Variants in EYA2 observed in about 807,000 individuals in gnomAD.
The protein encoded by EYA2 is EYA transcriptional coactivator and phosphatase 2, also known as protein phosphatase EYA2.
Under a neutral mutation model 69.2 loss-of-function variants are expected in EYA2, and 31 were observed. The observed-to-expected ratio is 0.45, with a 90% CI of 0.34 to 0.60. EYA2 has a LOEUF of 0.60. EYA2 is among the 20% of genes least tolerant of loss of function. The pLI is 0.02. For synonymous variants in EYA2, 257 were observed against 279.4 expected, an observed-to-expected ratio of 0.92 and a Z score of 0.80; for missense variants, 622 against 701.2, an observed-to-expected ratio of 0.89 and a Z score of 1.28.
At chr20:46,941,106 C>T (rs1326277741) in intron 1 of EYA2, among the ~76,000 whole-genome samples, 1 of 152,212 alleles carries the variant, frequency 6.6e-6, no homozygotes, top group Non-Finnish European at 1.5e-5. Flanking sequence ...GGACAGGGGA[C>T]GCTGACTAGG....
chr20:47,003,216 GTTA>G lies in EYA2; in HGVS notation c.156-1722_156-1720del, dbSNP rs575133247. ...TCTATCTGCTGTATGCTTGTGGCGTGTTATTAAGTCTCTCTCTGCCTCTGTTTT... is the reference window on the plus strand; with the variant it reads ...TCTATCTGCTGTATGCTTGTGGCGTGTTAAGTCTCTCTCTGCCTCTGTTTT... On this transcript the variant is annotated intron_variant, in intron 3 of 15. Transcript: ENST00000327619. Among the ~76,000 whole-genome samples, 136 of 152,304 alleles carry G rather than the reference GTTA, an allele frequency of 8.9e-4. 1 individual carries two copies. The highest frequency in any genetic ancestry group is 2.5e-3 in the African/African-American group (103 of 41,562).
intron 10 of EYA2, among the ~76,000 whole-genome samples, chr20:47,158,465 C>T (rs1167306850): frequency 1.3e-5 from 2 of 151,108 alleles, no homozygotes; most frequent in Admixed American, 6.6e-5. Context: ...TGCAGTGAGC[C>T]GAGATCACCC....
intron 1 of EYA2, among the ~76,000 whole-genome samples, chr20:46,940,181 G>A (rs1986093268): frequency 6.6e-6 from 1 of 152,190 alleles, no homozygotes; most frequent in Admixed American, 6.5e-5. Context: ...ATAGAGGTGG[G>A]CTTCCTACAA....
intron 4 of EYA2, among the ~76,000 whole-genome samples, chr20:47,009,916 T>G (rs1982954817): frequency 6.6e-6 from 1 of 152,234 alleles, no homozygotes; most frequent in Admixed American, 6.5e-5. Context: ...CTTTTGCAAC[T>G]TGCTTTTTCC....
rs1057038307 is a variant in EYA2, at chr20:47,000,003, G to C, written c.110-1425G>C. 3.3e-5 allele frequency among the ~76,000 whole-genome samples: 5 copies of C among 152,326 alleles called. No individual in the cohort carries two copies. The East Asian group carries it at 9.6e-4, about 29-fold the overall frequency. ...ATGACAATGACTGTCATCGTCAGCT[G>C]TAGTGTCATGGTTGAGAAGACAGAC... On this transcript the variant is annotated intron_variant, in intron 2 of 15. Transcript: ENST00000327619.
At chr20:47,156,051 CATATATATACATACA>C (rs2033918254) in intron 10 of EYA2, among the ~76,000 whole-genome samples, 1 of 86,404 alleles carries the variant, frequency 1.2e-5, no homozygotes, top group Non-Finnish European at 2.2e-5. Flanking sequence ...CACACACACA[CATATATATACATACA>C]CACACACACA....
At chr20:47,082,670 A>G (rs991772355) in intron 7 of EYA2, among the ~76,000 whole-genome samples, 1 of 152,196 alleles carries the variant, frequency 6.6e-6, no homozygotes, top group Admixed American at 6.5e-5. Flanking sequence ...TATAAGATTA[A>G]TACAATCTCT....
At chr20:47,142,243 C>T (rs2146597621) in intron 9 of EYA2, among the ~76,000 whole-genome samples, 1 of 152,356 alleles carries the variant, frequency 6.6e-6, no homozygotes, top group African/African-American at 2.4e-5. Flanking sequence ...GCTTGCCAAC[C>T]CCTGCTACAT....
At chr20:46,949,975 C>G (rs1453738383) in intron 1 of EYA2, among the ~76,000 whole-genome samples, 1 of 152,190 alleles carries the variant, frequency 6.6e-6, no homozygotes, top group African/African-American at 2.4e-5. Context: ...GGCTGAGGTG[C>G]TTGCACAAGG....
intron 10 of EYA2, among the ~76,000 whole-genome samples, chr20:47,154,090 A>G (rs1431574360): frequency 6.6e-6 from 1 of 152,058 alleles, no homozygotes; most frequent in Non-Finnish European, 1.5e-5. Flanking sequence ...TCTTTCTCCC[A>G]GTTCTGCAGG....
chr20:47,117,668 C>A, intron 9 of EYA2: 1 of 985,338 alleles, frequency 1.0e-6, no homozygotes, highest in Non-Finnish European at 1.2e-6. Context: ...AAAAGAAAAC[C>A]CGGTTTTATG....
intron 15 of EYA2, among the ~76,000 whole-genome samples, chr20:47,186,654 C>T (rs764532120): frequency 2.0e-5 from 3 of 152,106 alleles, no homozygotes; most frequent in Non-Finnish European, 4.4e-5. Flanking sequence ...CCACCACGCC[C>T]GGCCTCCTCA....
At chr20:47,086,679 G>A (rs750734436) in intron 7 of EYA2, among the ~76,000 whole-genome samples, 3 of 152,066 alleles carry the variant, frequency 2.0e-5, no homozygotes, top group African/African-American at 4.8e-5. Flanking sequence ...ACCAGGCCCC[G>A]CCTCTAACAC....
chr20:47,000,813 G>T (rs1040717875), intron 2 of EYA2, among the ~76,000 whole-genome samples: 1 of 152,126 alleles, frequency 6.6e-6, no homozygotes, highest in Non-Finnish European at 1.5e-5. Context: ...TGGAGCTTAG[G>T]AGATGATCGA....
intron 9 of EYA2, among the ~76,000 whole-genome samples, chr20:47,098,176 C>T (rs534821982): frequency 7.2e-5 from 11 of 152,212 alleles, no homozygotes; most frequent in South Asian, 6.2e-4. Context: ...AATCTCTTGC[C>T]GTGTAGGAAT....
chr20:47,135,818 C>CGAAAAAAAAA (rs2033449844), intron 9 of EYA2, among the ~76,000 whole-genome samples: 6 of 33,262 alleles, frequency 1.8e-4, no homozygotes, highest in Non-Finnish European at 3.3e-4. Context: ...CCTGTCTCTA[C>CGAAAAAAAAA]AAAAAAAAAA....
chr20:47,181,047 G>A lies in EYA2; in HGVS notation c.1435+111G>A. The A allele has an allele frequency of 3.5e-6, 5 of 1,438,986 alleles. No homozygotes were observed. In the South Asian group the frequency reaches 6.7e-5, roughly 19 times the overall value. The allele number at this position is 1,438,986 out of a possible 1,614,324, so 89.1% of individuals were successfully genotyped here. The stretch of plus-strand genomic sequence containing the variant: ...ATGACACCACAGAAATGGATGGAGT[G>A]TGCCTATGGCCATGACTCAGATTCC... On this transcript the variant is annotated intron_variant, in intron 14 of 15. Coordinates refer to ENST00000327619, the MANE Select transcript of EYA2 (RefSeq NM_005244.5).
chr20:47,004,784 AG>A, intron 3 of EYA2, 157 bp from the exon 4 acceptor site: 2 of 970,198 alleles, frequency 2.1e-6, no homozygotes, highest in East Asian at 2.4e-5. Flanking sequence ...CCTGCTTCCC[AG>A]GCAGAGGAAA....
intron 1 of EYA2, among the ~76,000 whole-genome samples, chr20:46,974,941 A>T (rs1390080842): frequency 6.6e-6 from 1 of 152,164 alleles, no homozygotes; most frequent in Non-Finnish European, 1.5e-5. Flanking sequence ...GCATCGTAAA[A>T]TGCAGACATC....
Sources: gnomAD v4.1 joint callset for allele counts (sites outside exome capture counted in the v4.1 genomes callset) on GRCh38, gnomAD v4.1.1 for gene constraint, MANE v1.5 for transcripts, NCBI Gene and HGNC (gene_info 2026-07-23, HGNC 2026-07-21) for gene names.